The following DUSP15 variants were observed in gnomAD, a reference collection of about 807,000 sequenced individuals.
DUSP15 encodes the protein dual specificity protein phosphatase 15.
DUSP15 carries 23 observed loss-of-function variants against 26.3 expected under a neutral mutation model. The observed-to-expected ratio is 0.87, with a 90% CI of 0.63 to 1.24. DUSP15 has a LOEUF of 1.24. Ranked by LOEUF, DUSP15 falls within the 50% of genes most tolerant of loss-of-function variation. The pLI, the probability that DUSP15 is intolerant of heterozygous loss-of-function variation, is 0.00. For synonymous variants in DUSP15, 143 were observed against 135.5 expected (o/e 1.06, Z -0.39); for missense variants, 364 against 320.6 (o/e 1.14, Z -1.03).
At chr20:31,868,876 T>C (rs946828470) in intron 2 of DUSP15, among the ~76,000 whole-genome samples, 1 of 152,176 alleles carries the variant, frequency 6.6e-6, no homozygotes, top group Non-Finnish European at 1.5e-5. Flanking sequence ...AAGAACAAGG[T>C]ATCTATACAT....
At chr20:31,863,580 G>T (rs1055587461) in intron 5 of DUSP15, 22 of 262,448 alleles carry the variant, frequency 8.4e-5, no homozygotes, top group Non-Finnish European at 1.3e-4. Context: ...GAGGAGGGAG[G>T]CCCAGAACTA....
At chr20:31,864,298 A>G in intron 4 of DUSP15, 7 of 1,126,816 alleles carry the variant, frequency 6.2e-6, no homozygotes, top group Non-Finnish European at 7.7e-6. Context: ...GTGGGAGGAA[A>G]CACAGGGGTC....
At chr20:31,849,785 C>T in exon 8 of DUSP15, 1 of 1,540,112 alleles carries the variant, frequency 6.5e-7, no homozygotes, top group Middle Eastern at 1.7e-4. Context: ...GGCGGCCGCC[C>T]GCGGACTCAG....
intron 6 of DUSP15, among the ~76,000 whole-genome samples, chr20:31,862,002 A>G (rs909728875): frequency 1.4e-5 from 2 of 145,718 alleles, no homozygotes; most frequent in African/African-American, 5.6e-5. Flanking sequence ...AACTCCTCCC[A>G]CTTTGCACCT....
At chr20:31,847,656 T>G (rs1258342366) in exon 10 of DUSP15, 1 of 152,220 alleles carries the variant, frequency 6.6e-6, no homozygotes, top group African/African-American at 2.4e-5. Context: ...AAACAGCTAC[T>G]TTATTCCCAT....
chr20:31,864,844 G>T, intron 4 of DUSP15, 109 bp downstream of exon 4: 2 of 1,183,404 alleles, frequency 1.7e-6, no homozygotes, highest in Non-Finnish European at 2.5e-6. Flanking sequence ...TTGAACACCT[G>T]TGATAGCTCT....
At position 31,869,610 on chromosome 20, in the gene DUSP15, C is replaced by T; in HGVS notation, c.22-13G>A. ...GTCCAGGAAGTACCTAGAGGAAGGACAGGCAAGGGTCAGTGGGGCAGGGGC... is the reference window on the plus strand; with the variant it reads ...GTCCAGGAAGTACCTAGAGGAAGGATAGGCAAGGGTCAGTGGGGCAGGGGC... On this transcript the variant is annotated splice_polypyrimidine_tract_variant and intron_variant, in intron 1 of 6. Coordinates refer to ENST00000339738, the MANE Select transcript of DUSP15 (RefSeq NM_080611.5). 6.2e-7 allele frequency: 1 copy of T among 1,613,660 alleles called. No individual in the cohort carries two copies. The highest frequency in any genetic ancestry group is 8.5e-7 in the Non-Finnish European group (1 of 1,179,844).
At position 31,869,103 on chromosome 20, in the gene DUSP15, G is replaced by C. The variant is rs527363730; in HGVS notation, c.55+461C>G. Among the ~76,000 whole-genome samples the C allele has an allele frequency of 2.6e-3, 402 of 152,274 alleles. 3 individuals carry two copies. Among genetic ancestry groups the C allele is most frequent in the African/African-American group, 9.4e-3 (391 of 41,554 alleles). ...CTCCTCTGACAAGGAGGAAGTTATG[G>C]GGGGAAGAGTTCCCAGCTTCCCCGC... On this transcript the variant is annotated intron_variant, in intron 2 of 6. Coordinates refer to ENST00000339738, the MANE Select transcript of DUSP15 (RefSeq NM_080611.5).
Position 31,867,173 on chromosome 20 carries a change from T to A in DUSP15, c.56-20A>T, listed in dbSNP as rs1358556182. The A allele has an allele frequency of 6.4e-7, 1 of 1,566,556 alleles. No homozygotes were observed. On this transcript the variant is annotated intron_variant, in intron 2 of 6. Coordinates refer to ENST00000339738, the MANE Select transcript of DUSP15 (RefSeq NM_080611.5). Reference sequence around the variant, plus strand: ...TGGCATCTGAAAGAAACAGGATGCTTGAGCCAATCTGGCTGGCGGGATGTC... The same window carrying A: ...TGGCATCTGAAAGAAACAGGATGCTAGAGCCAATCTGGCTGGCGGGATGTC...
downstream of DUSP15, among the ~76,000 whole-genome samples, chr20:31,859,257 C>T (rs151261282): frequency 1.0e-3 from 156 of 148,948 alleles, 3 homozygotes; most frequent in East Asian, 0.03. Context: ...GGGTCTCTGA[C>T]CCCCTAAAAG....
chr20:31,848,519 GC>G lies in DUSP15; in HGVS notation c.772del (p.Ala258ProfsTer93). ...GGACCCATCTGGGCGCTCGGTTGAG[GC>G]ACTTAGAGTGCAGGACGAGCTCCCA... is the stretch of plus-strand genomic sequence containing the variant. On this transcript the variant is annotated frameshift_variant, in exon 10 of 10. Coordinates refer to the DUSP15 transcript ENST00000278979. LOFTEE classifies it low-confidence loss of function (END_TRUNC). 6.2e-7 allele frequency: 1 copy of G among 1,605,468 alleles called. No homozygotes were observed. The highest frequency in any genetic ancestry group is 1.7e-4 in the Middle Eastern group (1 of 6,006).
chr20:31,866,764 G>T (rs1269564623), intron 3 of DUSP15, among the ~76,000 whole-genome samples: 3 of 152,216 alleles, frequency 2.0e-5, no homozygotes, highest in Non-Finnish European at 4.4e-5. Flanking sequence ...CATCCATCCA[G>T]TTGGGTCATG....
intron 5 of DUSP15, 66 bp downstream of exon 5, chr20:31,863,841 G>T: frequency 6.8e-7 from 1 of 1,471,070 alleles, no homozygotes; most frequent in Non-Finnish European, 9.5e-7. Flanking sequence ...CAGGGGGAGT[G>T]TGTGTTCAGC....
At chr20:31,854,294 C>T (rs966451342) in intron 6 of DUSP15, among the ~76,000 whole-genome samples, 2 of 152,138 alleles carry the variant, frequency 1.3e-5, no homozygotes, top group Non-Finnish European at 2.9e-5. Flanking sequence ...AGGAGTGAGA[C>T]TTTTTGAGGC....
At chr20:31,846,440 A>C (rs918712266), downstream of DUSP15, among the ~76,000 whole-genome samples, 4 of 95,294 alleles carry the variant, frequency 4.2e-5, no homozygotes, top group African/African-American at 2.4e-4. Context: ...GAAAGGAATG[A>C]ATAGAGAGAG....
chr20:31,861,931 C>T (rs944886040), intron 6 of DUSP15, among the ~76,000 whole-genome samples: 2 of 152,108 alleles, frequency 1.3e-5, no homozygotes, highest in Non-Finnish European at 2.9e-5. Flanking sequence ...GCTTCCAGAC[C>T]TGCTAAAGTG....
intron 4 of DUSP15, chr20:31,864,198 G>C: frequency 7.4e-7 from 1 of 1,353,858 alleles, no homozygotes; most frequent in Non-Finnish European, 9.5e-7. Flanking sequence ...AGAGAGACCA[G>C]TCAGGACAAA....
chr20:31,866,722 A>C (rs2062774764), intron 3 of DUSP15, among the ~76,000 whole-genome samples: 1 of 152,356 alleles, frequency 6.6e-6, no homozygotes, highest in South Asian at 2.1e-4. Context: ...TTGCATAGCA[A>C]GATACAGAGC....
Position 31,867,434 on chromosome 20 carries a change from C to T in DUSP15, c.56-281G>A, listed in dbSNP as rs1008677778. ...CTTCTAGGAATCTTGTCTACAGAAG[C>T]GCTTGCTCACACAGAAAGCTGTGTG... On this transcript the variant is annotated intron_variant, in intron 2 of 6. Coordinates refer to ENST00000339738, the MANE Select transcript of DUSP15 (RefSeq NM_080611.5). 4.6e-5 allele frequency among the ~76,000 whole-genome samples: 7 copies of T among 152,188 alleles called. No individual in the cohort carries two copies. The East Asian group carries it at 9.6e-4, about 21-fold the overall frequency.
Sources: allele counts gnomAD v4.1 joint callset (sites outside exome capture counted in the v4.1 genomes callset), GRCh38; gene constraint gnomAD v4.1.1; transcripts MANE v1.5; gene names NCBI Gene and HGNC (gene_info 2026-07-23, HGNC 2026-07-21).